The following ZFYVE1 variants were observed in gnomAD, a reference collection of about 807,000 sequenced individuals.
The protein encoded by ZFYVE1 is zinc finger FYVE domain-containing protein 1.
Under a neutral mutation model 74.4 loss-of-function variants are expected in ZFYVE1, and 30 were observed. The ratio of observed to expected loss-of-function variants is 0.40; its 90% CI spans 0.30 to 0.55. The LOEUF is 0.55. Ranked by LOEUF, ZFYVE1 falls within the 20% of genes least tolerant of loss-of-function variation. The pLI is 0.42. For missense variants in ZFYVE1, 703 were observed against 1,011.6 expected, an observed-to-expected ratio of 0.69 and a Z score of 4.14; for synonymous variants, 335 against 385.1, an observed-to-expected ratio of 0.87 and a Z score of 1.52.
At chr14:73,011,886 A>G (rs12892338) in intron 2 of ZFYVE1, among the ~76,000 whole-genome samples, 20,285 of 151,354 alleles carry the variant, frequency 0.13, 1,720 homozygotes, top group South Asian at 0.23. Flanking sequence ...ATATATATAT[A>G]TATAAAATGC....
intron 2 of ZFYVE1, among the ~76,000 whole-genome samples, chr14:73,011,016 TAAAAGA>T (rs1894080852): frequency 6.6e-6 from 1 of 151,548 alleles, no homozygotes; most frequent in Admixed American, 6.6e-5. Context: ...AACCAAAGCT[TAAAAGA>T]AAAAGAAAAA....
intron 4 of ZFYVE1, among the ~76,000 whole-genome samples, chr14:72,983,141 A>G (rs1268061432): frequency 1.3e-5 from 2 of 151,864 alleles, no homozygotes; most frequent in Admixed American, 1.3e-4. Context: ...CACCATGCTC[A>G]GCTGAACAAT....
At chr14:72,999,724 G>A (rs916112623) in intron 2 of ZFYVE1, among the ~76,000 whole-genome samples, 5 of 152,202 alleles carry the variant, frequency 3.3e-5, no homozygotes, top group Admixed American at 3.3e-4. Flanking sequence ...GAGCCCAGGA[G>A]TTTACAGCCA....
chr14:72,994,322 CAAAAAA>C (rs71109776), intron 3 of ZFYVE1, among the ~76,000 whole-genome samples: 49 of 31,136 alleles, frequency 1.6e-3, no homozygotes, highest in Admixed American at 5.0e-3. Flanking sequence ...GACGCTGTCT[CAAAAAA>C]AAAAAAAAAA....
At chr14:73,004,394 G>A (rs918446924) in intron 2 of ZFYVE1, among the ~76,000 whole-genome samples, 1 of 152,002 alleles carries the variant, frequency 6.6e-6, no homozygotes, top group Non-Finnish European at 1.5e-5. Context: ...AAGTGGGGAC[G>A]GGGGAACATT....
chr14:73,023,890 G>GC (rs1894397694), intron 2 of ZFYVE1, 136 bp downstream of exon 2: 1 of 1,249,468 alleles, frequency 8.0e-7, no homozygotes, highest in Non-Finnish European at 1.1e-6. Context: ...CTGACTCCAT[G>GC]CAACTAAAGC....
In ZFYVE1 at chr14:72,978,279, TG is replaced by T. The variant is rs1425146157; in HGVS notation, c.1420-46del. The T allele has an allele frequency of 4.4e-6, 7 of 1,597,156 alleles. No individual in the cohort carries two copies. In the African/African-American group the frequency reaches 9.4e-5, roughly 21 times the overall value. ...GCTAGCTTATTGTTTGTTTTTTGTT[TG>T]TTTTTTTAATAGACACGGGGTTTTA... On this transcript the variant is annotated intron_variant, in intron 6 of 11. Transcript: ENST00000556143.
At chr14:73,019,241 TGAG>T (rs954546585) in intron 2 of ZFYVE1, among the ~76,000 whole-genome samples, 1 of 152,168 alleles carries the variant, frequency 6.6e-6, no homozygotes, top group Non-Finnish European at 1.5e-5. Context: ...CCATAGAATT[TGAG>T]GAGACCACAC....
chr14:73,021,433 T>G (rs1165315507), intron 2 of ZFYVE1, among the ~76,000 whole-genome samples: 1 of 152,252 alleles, frequency 6.6e-6, no homozygotes, highest in South Asian at 2.1e-4. Context: ...TAAGTATTTA[T>G]GCACTGACAA....
chr14:72,985,673 AAG>A, intron 4 of ZFYVE1, among the ~76,000 whole-genome samples: 1 of 152,020 alleles, frequency 6.6e-6, no homozygotes, highest in East Asian at 1.9e-4. Context: ...GAAAGAAAAA[AAG>A]AGGAGACACA....
chr14:72,969,591 CA>C lies in ZFYVE1; in HGVS notation c.*1290del. 1.5e-6 allele frequency: 1 copy of C among 655,102 alleles called. No homozygotes were observed. Among genetic ancestry groups the C allele is most frequent in the Non-Finnish European group, 2.8e-6 (1 of 363,154 alleles). The allele number at this position is 655,102 out of a possible 1,614,324, so 40.6% of individuals were successfully genotyped here. On this transcript the variant is annotated 3_prime_UTR_variant, in exon 12 of 12. Transcript: ENST00000556143. ...AGGGCTCATGTCACACCGATAGGCG[CA>C]CCAGGAATGACCGCCATATACTTCC... is the stretch of plus-strand genomic sequence containing the variant.
At chr14:72,978,566 CAAAAAAAAAAAAAAA>C (rs58858186) in intron 6 of ZFYVE1, among the ~76,000 whole-genome samples, 6 of 50,974 alleles carry the variant, frequency 1.2e-4, no homozygotes, top group Admixed American at 9.4e-4. Context: ...GACTCTGTCT[CAAAAAAAAAAAAAAA>C]AAAAAAAAAA....
chr14:72,997,189 T>A (rs914043764), intron 3 of ZFYVE1, among the ~76,000 whole-genome samples: 5 of 152,126 alleles, frequency 3.3e-5, no homozygotes, highest in African/African-American at 1.2e-4. Context: ...TCTACATTCT[T>A]CCCTCTCTAA....
In ZFYVE1 at chr14:72,992,621, CCCG is replaced by C. The variant is rs1183241199; in HGVS notation, c.1203+519_1203+521del. Among the ~76,000 whole-genome samples the C allele has an allele frequency of 3.4e-4, 38 of 111,268 alleles. 3 individuals carry two copies. The highest frequency in any genetic ancestry group is 1.2e-3 in the African/African-American group (33 of 28,108). The allele number at this position is 111,268 out of a possible 152,430, so 73.0% of individuals were successfully genotyped here. ...GGGGAGGTCCCATTCAGGTGCCCCC[CCCG>C]CCCCTTGCAAGAGAGAGAGAGCTGT... On this transcript the variant is annotated intron_variant, in intron 4 of 11. Coordinates refer to ENST00000556143, the MANE Select transcript of ZFYVE1 (RefSeq NM_021260.4).
intron 3 of ZFYVE1, among the ~76,000 whole-genome samples, chr14:72,997,494 G>C (rs1444337222): frequency 6.6e-6 from 1 of 151,912 alleles, no homozygotes; most frequent in Non-Finnish European, 1.5e-5. Flanking sequence ...CACTGTACCT[G>C]GCTTCCTCCT....
chr14:73,008,243 T>G (rs986564124), intron 2 of ZFYVE1, among the ~76,000 whole-genome samples: 12 of 152,338 alleles, frequency 7.9e-5, no homozygotes, highest in African/African-American at 2.9e-4. Flanking sequence ...CACCGCAACC[T>G]CTGCCTCCCG....
chr14:73,000,254 A>G (rs556001331), intron 2 of ZFYVE1, among the ~76,000 whole-genome samples: 1 of 152,190 alleles, frequency 6.6e-6, no homozygotes, highest in South Asian at 2.1e-4. Context: ...CCAAGTCCTG[A>G]GTCATTAGAG....
At position 73,006,366 on chromosome 14, in the gene ZFYVE1, G is replaced by T. The variant is rs1043034189; in HGVS notation, c.484-8051C>A. Among the ~76,000 whole-genome samples, 3 of 151,956 alleles carry T rather than the reference G, an allele frequency of 2.0e-5. No homozygotes were observed. In the East Asian group the frequency reaches 5.9e-4, roughly 30 times the overall value. ...TAGGAAGGTTGATCACTTGAAGCAG[G>T]GAGTTCGAGACCAGCCTGGCCAACG... On this transcript the variant is annotated intron_variant, in intron 2 of 11. Coordinates refer to ENST00000556143, the MANE Select transcript of ZFYVE1 (RefSeq NM_021260.4).
intron 2 of ZFYVE1, among the ~76,000 whole-genome samples, chr14:73,011,171 CA>C (rs34380657): frequency 0.074 from 10,531 of 141,694 alleles, 502 homozygotes; most frequent in South Asian, 0.19. Context: ...CTCACTGTCT[CA>C]AAAAAAAAAA....
Sources: gnomAD v4.1 joint callset for allele counts (sites outside exome capture counted in the v4.1 genomes callset) on GRCh38, gnomAD v4.1.1 for gene constraint, MANE v1.5 for transcripts, NCBI Gene and HGNC (gene_info 2026-07-23, HGNC 2026-07-21) for gene names.